WDSUB1: variants seen among roughly 807,000 people sequenced by gnomAD.
WDSUB1 encodes the protein WD repeat, sterile alpha motif and U-box domain containing 1.
Under a neutral mutation model 53.9 loss-of-function variants are expected in WDSUB1, and 49 were observed. The observed-to-expected ratio is 0.91, with a 90% CI of 0.72 to 1.15. WDSUB1 has a LOEUF of 1.15. WDSUB1 is among the 50% of genes most tolerant of loss of function. The probability of loss-of-function intolerance (pLI) is 0.00; values close to 1 mark genes in which losing one functional copy is unlikely to be tolerated. For synonymous variants in WDSUB1, 194 were observed against 200.6 expected, an observed-to-expected ratio of 0.97 and a Z score of 0.28; for missense variants, 514 against 562.0, an observed-to-expected ratio of 0.91 and a Z score of 0.86.
At chr2:159,241,016 T>TATGATG (rs2060629373) in intron 10 of WDSUB1, among the ~76,000 whole-genome samples, 1 of 152,156 alleles carries the variant, frequency 6.6e-6, no homozygotes, top group Non-Finnish European at 1.5e-5. Context: ...GAGAAAAGTC[T>TATGATG]ACGATGACAA....
At chr2:159,249,612 G>A (rs2060900183) in intron 9 of WDSUB1, among the ~76,000 whole-genome samples, 1 of 152,128 alleles carries the variant, frequency 6.6e-6, no homozygotes, top group African/African-American at 2.4e-5. Flanking sequence ...TAGAGATAGT[G>A]CGTCCCTCCC....
chr2:159,286,366 G>A (rs1424600109), intron 1 of WDSUB1: 1 of 152,476 alleles, frequency 6.6e-6, no homozygotes, highest in Non-Finnish European at 1.5e-5. Flanking sequence ...TCACCCGCAA[G>A]GGGCTTCCTT....
chr2:159,271,048 G>A (rs1558868253), intron 5 of WDSUB1, among the ~76,000 whole-genome samples: 2 of 152,072 alleles, frequency 1.3e-5, no homozygotes, highest in African/African-American at 4.8e-5. Context: ...TCATCAGAAC[G>A]GCTAAAATTT....
intron 5 of WDSUB1, among the ~76,000 whole-genome samples, chr2:159,267,231 T>C (rs998339123): frequency 4.6e-5 from 7 of 152,152 alleles, no homozygotes; most frequent in Admixed American, 4.6e-4. Context: ...ATAGAAATTC[T>C]ATACTGCCTT....
chr2:159,264,414 A>AG (rs1375277624), intron 5 of WDSUB1, among the ~76,000 whole-genome samples: 2 of 152,242 alleles, frequency 1.3e-5, no homozygotes, highest in African/African-American at 2.4e-5. Flanking sequence ...GCTGAGCAAG[A>AG]GGGGGCTGTT....
intron 9 of WDSUB1, among the ~76,000 whole-genome samples, chr2:159,249,003 T>C (rs1162062926): frequency 6.6e-6 from 1 of 152,232 alleles, no homozygotes; most frequent in African/African-American, 2.4e-5. Context: ...AACAAATCTC[T>C]GTTGTATAGA....
At chr2:159,258,219 C>T (rs1575458682) in intron 6 of WDSUB1, among the ~76,000 whole-genome samples, 1 of 152,330 alleles carries the variant, frequency 6.6e-6, no homozygotes, top group East Asian at 1.9e-4. Context: ...TAGCCACCTC[C>T]TTAGAAATTT....
chr2:159,245,940 CA>C (rs34100398), intron 10 of WDSUB1, among the ~76,000 whole-genome samples: 76,484 of 151,900 alleles, frequency 0.5, 19,979 homozygotes, highest in Non-Finnish European at 0.55. Context: ...AGGCAGGCTA[CA>C]AGACCAAGAG....
chr2:159,271,878 T>C (rs1178198577), intron 4 of WDSUB1, 83 bp from the exon 5 acceptor site: 8 of 1,134,994 alleles, frequency 7.0e-6, no homozygotes, highest in Non-Finnish European at 8.9e-6. Flanking sequence ...CACTTATTTA[T>C]TTAACAAATA....
intron 4 of WDSUB1, among the ~76,000 whole-genome samples, chr2:159,275,114 A>G (rs993359823): frequency 5.3e-5 from 8 of 152,218 alleles, no homozygotes; most frequent in Non-Finnish European, 1.2e-4. Flanking sequence ...AAGAAATAAC[A>G]TAACGGAATA....
At chr2:159,271,309 C>G (rs930578018) in intron 5 of WDSUB1, among the ~76,000 whole-genome samples, 6 of 152,026 alleles carry the variant, frequency 3.9e-5, no homozygotes, top group Admixed American at 3.3e-4. Flanking sequence ...TAACCATTAA[C>G]ATTAAAATGA....
intron 3 of WDSUB1, 81 bp downstream of exon 3, chr2:159,279,675 TAAAAA>T: frequency 1.6e-6 from 2 of 1,241,206 alleles, no homozygotes; most frequent in African/African-American, 3.0e-5. Context: ...AATGATAACA[TAAAAA>T]AGAATAAAAG....
rs2061101198 is a variant in WDSUB1 at position 159,257,864 on chromosome 2, C to CCTAG, written c.846-4_846-1dup (p.Arg282SerfsTer2). 1 of 1,613,326 alleles carries CCTAG rather than the reference C, an allele frequency of 6.2e-7. No individual in the cohort carries two copies. The highest frequency in any genetic ancestry group is 1.1e-5 in the South Asian group (1 of 91,054). On this transcript the variant is annotated stop_gained and frameshift_variant and splice_region_variant. Transcript: ENST00000359774. LOFTEE classifies it high-confidence loss of function. ...GTGCAAAAGCACAAGTTGTGACATA[C>CCTAG]CTAGTTAATAAAAACAACTATTATG...
chr2:159,269,333 G>A (rs61431747), intron 5 of WDSUB1, among the ~76,000 whole-genome samples: 1,965 of 152,058 alleles, frequency 0.013, 45 homozygotes, highest in African/African-American at 0.045. Context: ...ATCATGCCTG[G>A]CTAATTTTTG....
chr2:159,277,401 A>G (rs2061565888), intron 3 of WDSUB1, among the ~76,000 whole-genome samples: 1 of 152,250 alleles, frequency 6.6e-6, no homozygotes, highest in Non-Finnish European at 1.5e-5. Flanking sequence ...TTGTTTCTTA[A>G]CTAAATAGAT....
At chr2:159,247,894 T>A (rs57775471) in intron 10 of WDSUB1, among the ~76,000 whole-genome samples, 5,574 of 43,720 alleles carry the variant, frequency 0.13, 493 homozygotes, top group African/African-American at 0.3. Context: ...TAAATATATA[T>A]ATATATATAT....
At chr2:159,257,435 G>A (rs2061088298) in intron 8 of WDSUB1, among the ~76,000 whole-genome samples, 1 of 148,262 alleles carries the variant, frequency 6.7e-6, no homozygotes, top group Admixed American at 6.7e-5. Context: ...CGCCCAGGCT[G>A]GAGTGCAATG....
intron 10 of WDSUB1, among the ~76,000 whole-genome samples, chr2:159,236,503 T>C (rs1340894179): frequency 6.6e-6 from 1 of 151,912 alleles, no homozygotes; most frequent in Admixed American, 6.6e-5. Flanking sequence ...CTGGGTAGAG[T>C]GGGAGTGAGG....
Position 159,279,819 on chromosome 2 carries a change from A to G in WDSUB1, c.525T>C (p.Ser175=). ...VWDDKMRCLH[S]EKAHDLGITC... The stretch of plus-strand genomic sequence containing the variant: ...TAATTCCAAGATCATGTGCTTTTTC[A>G]CTATGCAGACACCTCATTTTATCAT... The change falls in exon 3 of 11, where the codon AGT becomes AGC. Residue 175 remains serine (S), a synonymous_variant. Coordinates refer to ENST00000359774, the MANE Select transcript of WDSUB1 (RefSeq NM_001128212.3). 1 of 1,610,586 alleles carries G rather than the reference A, an allele frequency of 6.2e-7. No homozygotes were observed.
Sources: gnomAD v4.1 joint callset for allele counts (sites outside exome capture counted in the v4.1 genomes callset) on GRCh38, gnomAD v4.1.1 for gene constraint, MANE v1.5 for transcripts, NCBI Gene and HGNC (gene_info 2026-07-23, HGNC 2026-07-21) for gene names.